Variants in SMG6 observed in about 807,000 individuals in gnomAD.
The protein encoded by SMG6 is SMG6 nonsense mediated mRNA decay factor.
Under a neutral mutation model 142.2 loss-of-function variants are expected in SMG6, and 66 were observed. That is an observed-to-expected ratio of 0.46 (90% CI 0.38 to 0.57). The LOEUF is 0.57. SMG6 is among the 20% of genes least tolerant of loss of function. The probability of loss-of-function intolerance (pLI) is 0.00; values close to 1 mark genes in which losing one functional copy is unlikely to be tolerated. For synonymous variants in SMG6, 779 were observed against 702.4 expected (o/e 1.11, Z -1.72); for missense variants, 1,793 against 1,832.0 (o/e 0.98, Z 0.39).
At chr17:2,187,450 T>C (rs184465490) in intron 11 of SMG6, among the ~76,000 whole-genome samples, 1 of 152,306 alleles carries the variant, frequency 6.6e-6, no homozygotes, top group East Asian at 1.9e-4. Context: ...ATTTTGTCAA[T>C]GTTGACTTCC....
chr17:2,125,311 C>T (rs970323070), intron 13 of SMG6, among the ~76,000 whole-genome samples: 2 of 152,140 alleles, frequency 1.3e-5, no homozygotes, highest in Non-Finnish European at 2.9e-5. Context: ...TCCATACAAT[C>T]CAGACATCCT....
chr17:2,079,288 G>C (rs2068344591), intron 15 of SMG6, among the ~76,000 whole-genome samples: 1 of 152,230 alleles, frequency 6.6e-6, no homozygotes, highest in Non-Finnish European at 1.5e-5. Context: ...TGACGCAACA[G>C]TTTCCATAAC....
At chr17:2,290,915 T>G (rs1328194718) in intron 6 of SMG6, among the ~76,000 whole-genome samples, 1 of 152,226 alleles carries the variant, frequency 6.6e-6, no homozygotes, top group Non-Finnish European at 1.5e-5. Context: ...TGATCCCATT[T>G]ATGTGAGACA....
intron 13 of SMG6, among the ~76,000 whole-genome samples, chr17:2,141,285 T>C (rs1303051460): frequency 6.6e-6 from 1 of 152,242 alleles, no homozygotes; most frequent in African/African-American, 2.4e-5. Flanking sequence ...TTGATTGCAC[T>C]GGTTTGTTTA....
chr17:2,112,310 A>G (rs949747427), intron 13 of SMG6, among the ~76,000 whole-genome samples: 2 of 151,350 alleles, frequency 1.3e-5, no homozygotes, highest in African/African-American at 4.9e-5. Context: ...CGAGACCATC[A>G]TGGCTAACAT....
At position 2,061,638 on chromosome 17, in the gene SMG6, A is replaced by C. The variant is rs1196691783; in HGVS notation, c.4130-16T>G. ...ATTGGCTCCTCTGTGGGCATGAGAG[A>C]GCAGAAGGCTGTCACTGAGGACAGG... On this transcript the variant is annotated splice_polypyrimidine_tract_variant and intron_variant, in intron 18 of 18. Coordinates refer to ENST00000263073, the MANE Select transcript of SMG6 (RefSeq NM_017575.5). 1.3e-6 allele frequency: 2 copies of C among 1,565,312 alleles called. No homozygotes were observed. The highest frequency in any genetic ancestry group is 1.7e-6 in the Non-Finnish European group (2 of 1,154,972).
At chr17:2,252,054 C>T (rs1480092853) in intron 8 of SMG6, among the ~76,000 whole-genome samples, 1 of 148,992 alleles carries the variant, frequency 6.7e-6, no homozygotes, top group Non-Finnish European at 1.5e-5. Flanking sequence ...GAGCCAAGAT[C>T]GCACCACTGC....
At chr17:2,269,219 CAAAAA>C (rs746635212) in intron 8 of SMG6, among the ~76,000 whole-genome samples, 1 of 82,630 alleles carries the variant, frequency 1.2e-5, no homozygotes, top group Non-Finnish European at 2.3e-5. Flanking sequence ...GACTCCATCT[CAAAAA>C]AAAAAAAAAA....
intron 4 of SMG6, among the ~76,000 whole-genome samples, chr17:2,293,227 T>C (rs1215633285): frequency 2.0e-5 from 3 of 151,738 alleles, no homozygotes; most frequent in Admixed American, 6.6e-5. Flanking sequence ...AGAGAGAGGG[T>C]GATTCTTGAG....
chr17:2,118,134 T>C (rs1246722651), intron 13 of SMG6, among the ~76,000 whole-genome samples: 3 of 152,050 alleles, frequency 2.0e-5, no homozygotes, highest in Non-Finnish European at 2.9e-5. Context: ...TTCCAGCTTC[T>C]TGGGAGGTTG....
At chr17:2,199,554 AAAATAAAT>A (rs201774067) in intron 10 of SMG6, among the ~76,000 whole-genome samples, 7 of 151,322 alleles carry the variant, frequency 4.6e-5, no homozygotes, top group African/African-American at 1.2e-4. Flanking sequence ...AAAATAAATA[AAAATAAAT>A]AAATAAATAA....
chr17:2,254,344 G>A (rs1466069554), intron 8 of SMG6, among the ~76,000 whole-genome samples: 1 of 151,938 alleles, frequency 6.6e-6, no homozygotes, highest in Admixed American at 6.6e-5. Context: ...CATTTTTTTT[G>A]TTGTTGTTGA....
intron 13 of SMG6, among the ~76,000 whole-genome samples, chr17:2,158,754 G>A (rs1363203214): frequency 2.0e-5 from 3 of 150,916 alleles, no homozygotes; most frequent in African/African-American, 7.3e-5. Context: ...ATGGCTCTAC[G>A]AAAATTACAA....
At chr17:2,293,666 C>T (rs555028226) in intron 4 of SMG6, among the ~76,000 whole-genome samples, 43 of 152,258 alleles carry the variant, frequency 2.8e-4, no homozygotes, top group Admixed American at 4.6e-4. Context: ...GACAGGGTTT[C>T]GCCATGTTGC....
At chr17:2,082,273 A>G (rs1454534047) in intron 14 of SMG6, 1 of 267,764 alleles carries the variant, frequency 3.7e-6, no homozygotes, top group African/African-American at 2.1e-5. Flanking sequence ...ACACACTCAC[A>G]AAGTCAAACT....
chr17:2,195,638 C>T (rs2072301392), intron 10 of SMG6, among the ~76,000 whole-genome samples: 1 of 152,190 alleles, frequency 6.6e-6, no homozygotes, highest in Non-Finnish European at 1.5e-5. Flanking sequence ...GACATGATTC[C>T]ACTGTGGCCA....
chr17:2,078,931 T>C (rs1014977420), intron 15 of SMG6, among the ~76,000 whole-genome samples: 1 of 146,820 alleles, frequency 6.8e-6, no homozygotes, highest in African/African-American at 2.8e-5. Flanking sequence ...TGGTCAACTA[T>C]GACACAGACT....
chr17:2,300,393 G>T lies in SMG6; in HGVS notation c.360C>A (p.Ser120=), dbSNP rs764712516. 11 of 1,613,956 alleles carry T rather than the reference G, an allele frequency of 6.8e-6. No individual in the cohort carries two copies. Among genetic ancestry groups the T allele is most frequent in the Non-Finnish European group, 9.3e-6 (11 of 1,180,036 alleles). ...IDPENNRGQE[S]FPRTAGQEDR... The stretch of plus-strand genomic sequence containing the variant: ...CCTCTTGTCCAGCAGTCCTAGGAAA[G>T]GATTCTTGTCCCCGATTATTTTCTG... The change falls in exon 2 of 19, where the codon TCC becomes TCA. Residue 120 remains serine, a synonymous_variant. Transcript: ENST00000263073.
At chr17:2,209,062 G>A (rs1265550677) in intron 10 of SMG6, among the ~76,000 whole-genome samples, 2 of 152,080 alleles carry the variant, frequency 1.3e-5, no homozygotes, top group Admixed American at 1.3e-4. Context: ...ATACTGGGGA[G>A]GTGAGGTAGG....
Sources: gnomAD v4.1 joint callset for allele counts (sites outside exome capture counted in the v4.1 genomes callset) on GRCh38, gnomAD v4.1.1 for gene constraint, MANE v1.5 for transcripts, NCBI Gene and HGNC (gene_info 2026-07-23, HGNC 2026-07-21) for gene names.